The following VWA8 variants were observed in gnomAD, a reference collection of about 807,000 sequenced individuals.
VWA8 encodes von Willebrand factor A domain-containing protein 8.
In VWA8, 221 loss-of-function variants were observed where a neutral mutation model predicts 241.5. The observed-to-expected ratio is 0.91, with a 90% CI of 0.82 to 1.02. The LOEUF is 1.02. Among genes scored for constraint, VWA8 ranks in the 50% least tolerant of loss-of-function variants. The pLI is 0.00. For synonymous variants in VWA8, 852 were observed against 827.1 expected (o/e 1.03, Z -0.52); for missense variants, 2,322 against 2,328.7 (o/e 1.00, Z 0.06).
chr13:41,930,571 G>T (rs553749154), intron 2 of VWA8, among the ~76,000 whole-genome samples: 1 of 152,084 alleles, frequency 6.6e-6, no homozygotes. Context: ...TCTGAGTGTC[G>T]ACATGACACC....
intron 21 of VWA8, among the ~76,000 whole-genome samples, chr13:41,744,237 C>T (rs993517136): frequency 5.3e-5 from 8 of 152,222 alleles, no homozygotes; most frequent in Admixed American, 3.9e-4. Flanking sequence ...ACAGATTTCA[C>T]CTAAAAGCTG....
intron 12 of VWA8, among the ~76,000 whole-genome samples, chr13:41,855,717 G>A (rs1872721355): frequency 6.6e-6 from 1 of 152,106 alleles, no homozygotes; most frequent in South Asian, 2.1e-4. Flanking sequence ...TGATGGAAAT[G>A]CCCTATATCT....
At chr13:41,865,237 AC>A in intron 12 of VWA8, 1 of 310,650 alleles carries the variant, frequency 3.2e-6, no homozygotes, top group South Asian at 2.5e-5. Flanking sequence ...ATATTTTGAT[AC>A]ATTCATATAA....
chr13:41,636,274 A>T (rs902119609), intron 37 of VWA8, among the ~76,000 whole-genome samples: 3 of 152,322 alleles, frequency 2.0e-5, no homozygotes, highest in African/African-American at 7.2e-5. Context: ...ATAATGCTGC[A>T]TATCTACAAC....
At chr13:41,903,681 G>A (rs544545567) in intron 4 of VWA8, among the ~76,000 whole-genome samples, 2 of 152,240 alleles carry the variant, frequency 1.3e-5, no homozygotes, top group South Asian at 4.2e-4. Context: ...TGCAAGGCAA[G>A]GAGTAAAAGG....
chr13:41,700,970 TCA>T (rs2045245518), intron 28 of VWA8, among the ~76,000 whole-genome samples: 1 of 152,166 alleles, frequency 6.6e-6, no homozygotes, highest in Non-Finnish European at 1.5e-5. Flanking sequence ...TGCCAAAAAT[TCA>T]CATTCTTTAT....
intron 37 of VWA8, among the ~76,000 whole-genome samples, chr13:41,640,800 A>C (rs2044790652): frequency 6.6e-6 from 1 of 152,246 alleles, no homozygotes; most frequent in African/African-American, 2.4e-5. Flanking sequence ...TTAACAACAA[A>C]AAAAGCACTT....
intron 4 of VWA8, chr13:41,905,020 A>C (rs1359490998): frequency 6.6e-6 from 1 of 152,168 alleles, no homozygotes; most frequent in African/African-American, 2.4e-5. Context: ...TGTGGATATT[A>C]TGTGAATCAC....
At chr13:41,905,002 T>C (rs1217015460) in intron 4 of VWA8, 2 of 152,120 alleles carry the variant, frequency 1.3e-5, no homozygotes, top group South Asian at 4.1e-4. Flanking sequence ...AAAAATATAT[T>C]TTTATAATGT....
intron 36 of VWA8, among the ~76,000 whole-genome samples, chr13:41,671,614 T>C (rs992201332): frequency 2.0e-5 from 3 of 151,826 alleles, no homozygotes; most frequent in Non-Finnish European, 4.4e-5. Flanking sequence ...AGGTGGGTAC[T>C]TTTGGAGGTA....
chr13:41,926,659 G>A (rs1876857176), intron 2 of VWA8: 3 of 542,726 alleles, frequency 5.5e-6, no homozygotes, highest in Non-Finnish European at 7.5e-6. Flanking sequence ...TGGTTTCAGG[G>A]ATGGTAAAGC....
intron 1 of VWA8, among the ~76,000 whole-genome samples, chr13:41,956,250 C>G (rs1878348639): frequency 6.6e-6 from 1 of 152,080 alleles, no homozygotes; most frequent in Non-Finnish European, 1.5e-5. Flanking sequence ...TTCTGATAAC[C>G]AAAAAGAAAC....
At chr13:41,575,904 A>C in intron 42 of VWA8, 66 bp from the exon 43 acceptor site, 8 of 1,202,620 alleles carry the variant, frequency 6.7e-6, no homozygotes, top group Non-Finnish European at 9.6e-6. Flanking sequence ...TAGATCTTTA[A>C]TGTTCAACTC....
Position 41,887,280 on chromosome 13 carries a change from C to G in VWA8, c.733G>C (p.Val245Leu). 6.2e-7 allele frequency: 1 copy of G among 1,613,746 alleles called. No homozygotes were observed. The highest frequency in any genetic ancestry group is 8.5e-7 in the Non-Finnish European group (1 of 1,179,888). Reference protein sequence around the residue: ...NFRVIALGLPVPRYSGNPLDP... With the variant: ...NFRVIALGLPLPRYSGNPLDP... Reference sequence around the variant, plus strand: ...AATGGATTCCCAGAATACCTTGGCACTGGCAAGCCCAAGGCAATCACTCGG... The same window carrying G: ...AATGGATTCCCAGAATACCTTGGCAGTGGCAAGCCCAAGGCAATCACTCGG... Residue 245 changes from valine (V) to leucine (L), a missense_variant, in exon 6 of 45, where the codon GTG (valine) becomes CTG (leucine). Coordinates refer to ENST00000379310, the MANE Select transcript of VWA8 (RefSeq NM_015058.2).
chr13:41,904,899 AC>A (rs1875635336), intron 4 of VWA8, among the ~76,000 whole-genome samples: 2 of 152,100 alleles, frequency 1.3e-5, no homozygotes, highest in South Asian at 4.1e-4. Context: ...AAGATAACCA[AC>A]TGGAAAAAGA....
intron 13 of VWA8, among the ~76,000 whole-genome samples, chr13:41,831,803 A>G (rs1871475877): frequency 6.6e-6 from 1 of 151,428 alleles, no homozygotes; most frequent in East Asian, 1.9e-4. Context: ...TACTTTTAAT[A>G]GAGACGGGGT....
chr13:41,654,582 A>T (rs2044889875), intron 37 of VWA8, among the ~76,000 whole-genome samples: 1 of 152,216 alleles, frequency 6.6e-6, no homozygotes, highest in Non-Finnish European at 1.5e-5. Flanking sequence ...TCCTGTGAGA[A>T]TCTACTGCTG....
At chr13:41,626,509 C>T (rs537076845) in intron 37 of VWA8, among the ~76,000 whole-genome samples, 82 of 152,254 alleles carry the variant, frequency 5.4e-4, no homozygotes, top group African/African-American at 1.8e-3. Flanking sequence ...CACTACCTGA[C>T]TCCAAACTAT....
Position 41,570,668 on chromosome 13 carries a change from G to C in VWA8, c.5409C>G (p.Asp1803Glu), listed in dbSNP as rs2044295216. ...CATGTTCTGTCCCTTCTAACGTGTG[G>C]TCCCCACTCATGCAGAACTGAGAGT... ...HAHSQFCMSGDHTLEGTEHAI... is the reference protein window; with the variant it reads ...HAHSQFCMSGEHTLEGTEHAI... The change falls in exon 44 of 45, where the codon GAC (aspartate) becomes GAG (glutamate). Residue 1803 changes from aspartate (D) to glutamate (E), a missense_variant. Transcript: ENST00000379310. 5 of 1,614,036 alleles carry C rather than the reference G, an allele frequency of 3.1e-6. No individual in the cohort carries two copies. The highest frequency in any genetic ancestry group is 4.2e-6 in the Non-Finnish European group (5 of 1,180,044).
Sources: allele counts gnomAD v4.1 joint callset (sites outside exome capture counted in the v4.1 genomes callset), GRCh38; gene constraint gnomAD v4.1.1; transcripts MANE v1.5; gene names NCBI Gene and HGNC (gene_info 2026-07-23, HGNC 2026-07-21).